BRD10: variants seen among roughly 807,000 people sequenced by gnomAD.
BRD10 encodes the protein bromodomain containing 10.
At chr9:5,994,238 T>A in the BRD10 span, among the ~76,000 whole-genome samples, 3 of 152,176 alleles carry the variant, frequency 2.0e-5, no homozygotes, top group East Asian at 5.8e-4. Flanking sequence ...TTAGCTTATG[T>A]TTTATAATAT....
At chr9:5,893,398 G>A in the BRD10 span, among the ~76,000 whole-genome samples, 2 of 152,160 alleles carry the variant, frequency 1.3e-5, no homozygotes, top group Non-Finnish European at 2.9e-5. Flanking sequence ...TCTTTCTTTG[G>A]AAAGAGCTGT....
chr9:6,000,130 A>G, the BRD10 span, among the ~76,000 whole-genome samples: 1 of 152,168 alleles, frequency 6.6e-6, no homozygotes, highest in Non-Finnish European at 1.5e-5. Flanking sequence ...GTTAACAATA[A>G]CAACTACTAA....
the BRD10 span, among the ~76,000 whole-genome samples, chr9:5,979,524 CA>C: frequency 9.7e-5 from 14 of 144,054 alleles, no homozygotes; most frequent in South Asian, 2.2e-4. Flanking sequence ...AACCCACAAA[CA>C]AAAAAAAAAT....
the BRD10 span, among the ~76,000 whole-genome samples, chr9:5,881,982 A>G: frequency 6.6e-6 from 1 of 152,208 alleles, no homozygotes; most frequent in Non-Finnish European, 1.5e-5. Context: ...TGAACAGGTG[A>G]TGTCACTGTC....
chr9:5,968,114 C>A, the BRD10 span: 1 of 1,572,448 alleles, frequency 6.4e-7, no homozygotes, highest in Non-Finnish European at 8.6e-7. Flanking sequence ...AGAATGAAGA[C>A]CTTCACGCTT....
chr9:5,979,022 G>A, the BRD10 span, among the ~76,000 whole-genome samples: 7 of 152,286 alleles, frequency 4.6e-5, no homozygotes, highest in South Asian at 1.5e-3. Context: ...GGCCACAAAT[G>A]ATGAATACAT....
the BRD10 span, among the ~76,000 whole-genome samples, chr9:5,975,381 G>C: frequency 7.7e-6 from 1 of 130,328 alleles, no homozygotes; most frequent in African/African-American, 2.9e-5. Context: ...GGAGGTTGCA[G>C]TGAGCCAGGA....
the BRD10 span, among the ~76,000 whole-genome samples, chr9:5,930,007 C>G: frequency 6.6e-6 from 1 of 151,966 alleles, no homozygotes; most frequent in African/African-American, 2.4e-5. Context: ...AGAAGATACA[C>G]CTCACCTGTA....
the BRD10 span, chr9:6,007,665 C>G: frequency 6.2e-7 from 1 of 1,606,712 alleles, no homozygotes; most frequent in Non-Finnish European, 8.5e-7. Context: ...TTCCGTGGGC[C>G]GGCCCTGAGG....
At chr9:6,006,832 T>C in the BRD10 span, among the ~76,000 whole-genome samples, 4 of 152,260 alleles carry the variant, frequency 2.6e-5, no homozygotes, top group Admixed American at 6.5e-5. Flanking sequence ...CTGTTTTAAA[T>C]GTCATGCTAA....
At chr9:6,006,622 T>C in the BRD10 span, among the ~76,000 whole-genome samples, 1 of 152,092 alleles carries the variant, frequency 6.6e-6, no homozygotes, top group African/African-American at 2.4e-5. Context: ...TTCCCTATTA[T>C]TGCAAAAATT....
chr9:5,921,554 A>C, the BRD10 span: 1 of 1,613,910 alleles, frequency 6.2e-7, no homozygotes. Context: ...AGAAGAAAGA[A>C]TAGATGGAGC....
chr9:5,934,948 T>A, the BRD10 span, among the ~76,000 whole-genome samples: 1 of 152,194 alleles, frequency 6.6e-6, no homozygotes, highest in African/African-American at 2.4e-5. Context: ...CTATATTCAA[T>A]AAGTATTCAC....
chr9:5,905,499 T>TA, the BRD10 span, among the ~76,000 whole-genome samples: 19 of 152,164 alleles, frequency 1.2e-4, no homozygotes, highest in Admixed American at 2.0e-4. Context: ...CTTCAAACCA[T>TA]AAAAAAATTT....
At chr9:6,007,450 T>C in the BRD10 span, 6 of 1,607,746 alleles carry the variant, frequency 3.7e-6, no homozygotes, top group Admixed American at 8.4e-5. Flanking sequence ...CGCCACCTCC[T>C]CCTCCGCGGT....
chr9:5,944,165 A>G, the BRD10 span, among the ~76,000 whole-genome samples: 1 of 152,120 alleles, frequency 6.6e-6, no homozygotes, highest in Non-Finnish European at 1.5e-5. Flanking sequence ...AGCCTTTCCC[A>G]TTTATTTACT....
the BRD10 span, among the ~76,000 whole-genome samples, chr9:5,889,262 T>A: frequency 6.6e-6 from 1 of 152,198 alleles, no homozygotes; most frequent in South Asian, 2.1e-4. Context: ...CTACGAACTT[T>A]TGCCTCATCT....
At chr9:5,955,830 G>A in the BRD10 span, among the ~76,000 whole-genome samples, 2 of 152,022 alleles carry the variant, frequency 1.3e-5, no homozygotes, top group African/African-American at 2.4e-5. Context: ...TAAGTGGGTG[G>A]GCTGCTTAAA....
At chr9:5,939,486 T>C in the BRD10 span, among the ~76,000 whole-genome samples, 2 of 152,202 alleles carry the variant, frequency 1.3e-5, no homozygotes, top group South Asian at 4.1e-4. Flanking sequence ...TTCTTAATCA[T>C]CGATGGAATC....
Sources: gnomAD v4.1 joint callset for allele counts (sites outside exome capture counted in the v4.1 genomes callset) on GRCh38, gnomAD v4.1.1 for gene constraint, MANE v1.5 for transcripts, NCBI Gene and HGNC (gene_info 2026-07-23, HGNC 2026-07-21) for gene names.